MED12L: variants seen among roughly 807,000 people sequenced by gnomAD.
MED12L encodes the protein mediator complex subunit 12L, also known as mediator of RNA polymerase II transcription subunit 12-like protein.
MED12L carries 60 observed loss-of-function variants against 281.3 expected under a neutral mutation model. The ratio of observed to expected loss-of-function variants is 0.21; its 90% confidence interval spans 0.17 to 0.26. MED12L has a LOEUF of 0.26. Among genes scored for constraint, MED12L ranks in the 10% least tolerant of loss-of-function variants. MED12L has a pLI of 1.00. For missense variants in MED12L, 2,146 were observed against 2,680.9 expected (o/e 0.80, Z 4.41); for synonymous variants, 974 against 987.2 (o/e 0.99, Z 0.25).
chr3:151,344,016 C>G (rs927799075), intron 16 of MED12L, among the ~76,000 whole-genome samples: 1 of 152,024 alleles, frequency 6.6e-6, no homozygotes, highest in African/African-American at 2.4e-5. Context: ...TTGGCTTTAT[C>G]CATTGGAATA....
chr3:151,400,180 G>A (rs1409743492), intron 39 of MED12L, among the ~76,000 whole-genome samples: 3 of 152,222 alleles, frequency 2.0e-5, no homozygotes, highest in African/African-American at 7.2e-5. Context: ...GGGGCTTGCA[G>A]AAGCAATCTA....
chr3:151,309,249 A>C (rs1377005023), intron 16 of MED12L, among the ~76,000 whole-genome samples: 1 of 152,202 alleles, frequency 6.6e-6, no homozygotes, highest in African/African-American at 2.4e-5. Flanking sequence ...ACTAATAGGA[A>C]TATTTGAATT....
chr3:151,335,474 A>G (rs540304987), intron 16 of MED12L, among the ~76,000 whole-genome samples: 5 of 152,298 alleles, frequency 3.3e-5, no homozygotes, highest in African/African-American at 1.2e-4. Context: ...TCTGTAAGAA[A>G]CCACTGAGAA....
chr3:151,250,507 A>G (rs910049972), intron 16 of MED12L, among the ~76,000 whole-genome samples: 1 of 152,208 alleles, frequency 6.6e-6, no homozygotes, highest in African/African-American at 2.4e-5. Flanking sequence ...GCTATCTCAT[A>G]GAAGTGGAAT....
chr3:151,289,077 A>G (rs1403722139), intron 16 of MED12L, among the ~76,000 whole-genome samples: 2 of 152,236 alleles, frequency 1.3e-5, no homozygotes, highest in African/African-American at 4.8e-5. Context: ...AGTTCAGGAG[A>G]GAAATGAAAA....
At chr3:151,409,162 G>A in intron 39 of MED12L, 81 bp from the exon 40 acceptor site, 1 of 1,025,672 alleles carries the variant, frequency 9.7e-7, no homozygotes, top group South Asian at 1.6e-5. Flanking sequence ...ATTAGATGTG[G>A]GTTATTTGGA....
At chr3:151,123,260 T>A (rs1576775296) in intron 4 of MED12L, among the ~76,000 whole-genome samples, 1 of 151,698 alleles carries the variant, frequency 6.6e-6, no homozygotes, top group Non-Finnish European at 1.5e-5. Context: ...AGCCTTCATT[T>A]AAAAAAAAAT....
intron 39 of MED12L, among the ~76,000 whole-genome samples, chr3:151,405,788 TG>T (rs1716229342): frequency 6.6e-6 from 1 of 152,230 alleles, no homozygotes; most frequent in South Asian, 2.1e-4. Context: ...ATACTAATGC[TG>T]GCAGGAAGAA....
At chr3:151,242,553 G>T (rs1734414039) in intron 16 of MED12L, among the ~76,000 whole-genome samples, 2 of 152,274 alleles carry the variant, frequency 1.3e-5, no homozygotes, top group Non-Finnish European at 2.9e-5. Context: ...TGCAGCTGAG[G>T]GTCCTGTCTG....
Position 151,390,055 on chromosome 3 carries a change from A to T in MED12L, c.5528A>T (p.Gln1843Leu), listed in dbSNP as rs2108219896. 6.2e-7 allele frequency: 1 copy of T among 1,614,172 alleles called. No homozygotes were observed. The change falls in exon 38 of 45, where the codon CAG (glutamine) becomes CTG (leucine). Residue 1843 changes from glutamine (Q) to leucine (L), a missense_variant. Gln to Leu is a moderately radical substitution (Grantham distance 113, BLOSUM62 -2). Coordinates refer to ENST00000687756, the MANE Select transcript of MED12L (RefSeq NM_001393769.1). ...PISSQMMHHP[Q>L]STLWGYNLVG... ...TCCTCCCAAATGATGCACCATCCACAGTCCACCTTGTGGGGTTACAACCTC... is the reference window on the plus strand; with the variant it reads ...TCCTCCCAAATGATGCACCATCCACTGTCCACCTTGTGGGGTTACAACCTC...
intron 27 of MED12L, 24 bp from the exon 28 acceptor site, chr3:151,376,002 A>G (rs776782725): frequency 5.7e-6 from 8 of 1,399,548 alleles, no homozygotes; most frequent in Non-Finnish European, 7.7e-6. Context: ...GTGCCTGTCA[A>G]TCTAATTGCC....
chr3:151,338,003 C>T lies in MED12L; in HGVS notation c.2251-12056C>T, dbSNP rs764045061. ...TTAAGGAAGTTAACCACAGAGTGCT[C>T]TCTTTCACATAGAACAGAGTATTTT... On this transcript the variant is annotated intron_variant, in intron 16 of 44. Coordinates refer to ENST00000687756, the MANE Select transcript of MED12L (RefSeq NM_001393769.1). 8 of 1,613,994 alleles carry T rather than the reference C, an allele frequency of 5.0e-6. No homozygotes were observed. In the East Asian group the frequency reaches 1.3e-4, roughly 27 times the overall value.
At chr3:151,424,130 G>C (rs889160645) in intron 43 of MED12L, among the ~76,000 whole-genome samples, 1 of 152,192 alleles carries the variant, frequency 6.6e-6, no homozygotes. Context: ...TTTTGAAGTG[G>C]AAGAAATTAG....
Position 151,191,327 on chromosome 3 carries a change from C to T in MED12L, c.1968+396C>T, listed in dbSNP as rs548940899. On this transcript the variant is annotated intron_variant, in intron 14 of 44. Transcript: ENST00000687756. ...ATCGTCTTTTCCCTAATGTATCATTCATTACTTATATCACTCTTTTATTCA... is the reference window on the plus strand; with the variant it reads ...ATCGTCTTTTCCCTAATGTATCATTTATTACTTATATCACTCTTTTATTCA... 2.0e-5 allele frequency among the ~76,000 whole-genome samples: 3 copies of T among 152,286 alleles called. No homozygotes were observed. The East Asian group carries it at 5.8e-4, about 29-fold the overall frequency.
intron 5 of MED12L, among the ~76,000 whole-genome samples, chr3:151,147,360 A>C (rs1295087785): frequency 6.6e-6 from 1 of 152,240 alleles, no homozygotes; most frequent in South Asian, 2.1e-4. Flanking sequence ...ATATTAAAAA[A>C]CCAGCTTTAT....
intron 16 of MED12L, among the ~76,000 whole-genome samples, chr3:151,341,091 G>T (rs959107383): frequency 2.0e-5 from 3 of 152,068 alleles, no homozygotes; most frequent in Admixed American, 6.6e-5. Flanking sequence ...TGCTTTCTTG[G>T]GTGGTTAATT....
intron 16 of MED12L, among the ~76,000 whole-genome samples, chr3:151,320,665 G>C (rs1229873249): frequency 6.6e-6 from 1 of 152,206 alleles, no homozygotes; most frequent in Non-Finnish European, 1.5e-5. Context: ...TTGATTAAAG[G>C]GAAGGGGGAT....
At chr3:151,136,348 G>A (rs990854189) in intron 5 of MED12L, among the ~76,000 whole-genome samples, 4 of 152,184 alleles carry the variant, frequency 2.6e-5, no homozygotes, top group African/African-American at 9.7e-5. Flanking sequence ...AGGGACAAGC[G>A]TTTAGTTTTG....
intron 23 of MED12L, 32 bp downstream of exon 23, chr3:151,366,023 T>G (rs1755228237): frequency 6.7e-7 from 1 of 1,497,404 alleles, no homozygotes; most frequent in Non-Finnish European, 8.9e-7. Flanking sequence ...AAAATTGAAC[T>G]GTGCAATTAA....
Sources: allele counts gnomAD v4.1 joint callset (sites outside exome capture counted in the v4.1 genomes callset), GRCh38; gene constraint gnomAD v4.1.1; transcripts MANE v1.5; gene names NCBI Gene and HGNC (gene_info 2026-07-23, HGNC 2026-07-21).